PRKG1: variants seen among roughly 807,000 people sequenced by gnomAD.
PRKG1 encodes protein kinase cGMP-dependent 1, also known as cGMP-dependent protein kinase 1.
PRKG1 carries 35 observed loss-of-function variants against 88.1 expected under a neutral mutation model. That is an observed-to-expected ratio of 0.40 (90% CI 0.30 to 0.53). PRKG1 has a LOEUF of 0.53. Among genes scored for constraint, PRKG1 ranks in the 20% least tolerant of loss-of-function variants. The probability of loss-of-function intolerance (pLI) is 0.59; values close to 1 mark genes in which losing one functional copy is unlikely to be tolerated. For missense variants in PRKG1, 540 were observed against 839.8 expected (o/e 0.64, Z 4.41); for synonymous variants, 303 against 292.5 (o/e 1.04, Z -0.37).
chr10:52,099,982 T>C (rs1403984819), intron 7 of PRKG1, among the ~76,000 whole-genome samples: 3 of 152,240 alleles, frequency 2.0e-5, no homozygotes, highest in Non-Finnish European at 4.4e-5. Flanking sequence ...ATGATGACAA[T>C]GCTAGTATTC....
chr10:51,013,398 C>T (rs1029358718), intron 1 of PRKG1, among the ~76,000 whole-genome samples: 3 of 152,062 alleles, frequency 2.0e-5, no homozygotes, highest in Admixed American at 1.3e-4. Context: ...TTTAGTAACA[C>T]TTATTTTTTT....
intron 2 of PRKG1, among the ~76,000 whole-genome samples, chr10:51,392,746 TGGCCGGGCGGGG>T: frequency 1.5e-5 from 2 of 137,082 alleles, no homozygotes; most frequent in African/African-American, 2.6e-5. Context: ...ACGGGGCGGC[TGGCCGGGCGGGG>T]GGCTGACCAC....
chr10:51,666,979 G>C (rs1204062260), intron 3 of PRKG1, among the ~76,000 whole-genome samples: 1 of 151,872 alleles, frequency 6.6e-6, no homozygotes, highest in Non-Finnish European at 1.5e-5. Context: ...TGTATTTTTA[G>C]TAGAGACGTG....
chr10:51,612,727 T>A (rs917145339), intron 3 of PRKG1, among the ~76,000 whole-genome samples: 3 of 151,996 alleles, frequency 2.0e-5, no homozygotes, highest in Admixed American at 2.0e-4. Flanking sequence ...TCTTTCAGAT[T>A]TTCCCCATGA....
intron 1 of PRKG1, among the ~76,000 whole-genome samples, chr10:51,062,305 G>C (rs1843701344): frequency 6.6e-6 from 1 of 152,076 alleles, no homozygotes; most frequent in African/African-American, 2.4e-5. Context: ...CAACTTCTTA[G>C]CCTCTCAGCT....
chr10:51,085,450 A>T (rs1844224192), intron 1 of PRKG1, among the ~76,000 whole-genome samples: 1 of 152,190 alleles, frequency 6.6e-6, no homozygotes, highest in Non-Finnish European at 1.5e-5. Context: ...CACTGGAATG[A>T]ACCCTAGAGT....
At chr10:51,914,397 A>C (rs1842292923) in intron 5 of PRKG1, among the ~76,000 whole-genome samples, 1 of 152,156 alleles carries the variant, frequency 6.6e-6, no homozygotes, top group African/African-American at 2.4e-5. Context: ...GGGGGAGTAA[A>C]AGTTGAGATA....
intron 3 of PRKG1, among the ~76,000 whole-genome samples, chr10:51,793,134 A>G (rs1482978598): frequency 4.0e-5 from 4 of 99,192 alleles, no homozygotes; most frequent in African/African-American, 1.7e-4. Flanking sequence ...AGGTCAGCAC[A>G]CTGCAAAAAA....
chr10:51,229,177 C>T (rs1238901260), intron 2 of PRKG1, among the ~76,000 whole-genome samples: 2 of 152,128 alleles, frequency 1.3e-5, no homozygotes, highest in Admixed American at 6.5e-5. Flanking sequence ...ATATGTCTCT[C>T]CTCCACTAAA....
At chr10:52,246,575 T>G (rs1314315559) in intron 9 of PRKG1, among the ~76,000 whole-genome samples, 1 of 152,080 alleles carries the variant, frequency 6.6e-6, no homozygotes, top group Admixed American at 6.6e-5. Context: ...AATATTTCAT[T>G]ATTTAAAGAG....
chr10:52,205,842 A>T (rs1038138805), intron 9 of PRKG1, among the ~76,000 whole-genome samples: 17 of 150,320 alleles, frequency 1.1e-4, no homozygotes, highest in South Asian at 4.2e-4. Flanking sequence ...GCTGCTTAAA[A>T]TTTTTTTTTT....
At chr10:51,669,274 T>C (rs1303429734) in intron 3 of PRKG1, among the ~76,000 whole-genome samples, 3 of 152,212 alleles carry the variant, frequency 2.0e-5, no homozygotes, top group African/African-American at 7.2e-5. Flanking sequence ...GAGGGCACTC[T>C]TACTGGCTTG....
chr10:51,456,161 AG>A (rs1588975625), intron 2 of PRKG1, among the ~76,000 whole-genome samples: 1 of 152,188 alleles, frequency 6.6e-6, no homozygotes, highest in East Asian at 1.9e-4. Flanking sequence ...GCCAAGTGAA[AG>A]GGGAAATCCC....
intron 1 of PRKG1, among the ~76,000 whole-genome samples, chr10:51,047,208 G>T (rs552384799): frequency 2.0e-5 from 3 of 152,270 alleles, no homozygotes; most frequent in African/African-American, 7.2e-5. Flanking sequence ...TAAGCCATGT[G>T]CAAAACACAA....
intron 10 of PRKG1, among the ~76,000 whole-genome samples, chr10:52,269,151 C>T (rs1361268854): frequency 6.6e-6 from 1 of 151,994 alleles, no homozygotes. Flanking sequence ...GCACAACAGT[C>T]CTCACTAGTT....
intron 2 of PRKG1, among the ~76,000 whole-genome samples, chr10:51,342,160 C>A (rs1020091941): frequency 6.6e-6 from 1 of 152,084 alleles, no homozygotes; most frequent in African/African-American, 2.4e-5. Context: ...AATGGTAACA[C>A]CTCATTTTAT....
intron 2 of PRKG1, among the ~76,000 whole-genome samples, chr10:51,182,492 T>C (rs1012297127): frequency 5.3e-5 from 8 of 152,160 alleles, no homozygotes; most frequent in African/African-American, 1.9e-4. Context: ...GGTCTGTTTG[T>C]GGCCAAATAC....
At chr10:52,115,860 G>T (rs1175181157) in intron 7 of PRKG1, among the ~76,000 whole-genome samples, 1 of 152,044 alleles carries the variant, frequency 6.6e-6, no homozygotes, top group Non-Finnish European at 1.5e-5. Context: ...CAGGATACCT[G>T]GTTAAATTTG....
chr10:52,209,717 C>G (rs370955779), intron 9 of PRKG1, among the ~76,000 whole-genome samples: 1 of 152,072 alleles, frequency 6.6e-6, no homozygotes, highest in Non-Finnish European at 1.5e-5. Flanking sequence ...TATCACAAAG[C>G]GGCAGCACCA....
Sources: gnomAD v4.1 joint callset for allele counts (sites outside exome capture counted in the v4.1 genomes callset) on GRCh38, gnomAD v4.1.1 for gene constraint, MANE v1.5 for transcripts, NCBI Gene and HGNC (gene_info 2026-07-23, HGNC 2026-07-21) for gene names.